The following TFRC variants were observed in gnomAD, a reference collection of about 807,000 sequenced individuals.
TFRC encodes transferrin receptor protein 1.
A neutral mutation model predicts 85.8 loss-of-function variants in TFRC; 35 were observed. The ratio of observed to expected loss-of-function variants is 0.41; its 90% CI spans 0.31 to 0.54. TFRC has a LOEUF of 0.54. Ranked by LOEUF, TFRC falls within the 20% of genes least tolerant of loss-of-function variation. TFRC has a pLI of 0.31. For missense variants in TFRC, 828 were observed against 921.5 expected (o/e 0.90, Z 1.31); for synonymous variants, 362 against 328.6 (o/e 1.10, Z -1.10).
chr3:196,065,435 G>GGGGGGGGA lies in TFRC; in HGVS notation c.1198+7_1198+8insTCCCCCCC. The GGGGGGGGA allele has an allele frequency of 1.5e-6, 1 of 655,718 alleles. No individual in the cohort carries two copies. 40.6% of individuals were successfully genotyped at this position (655,718 alleles called of 1,614,324 possible). On this transcript the variant is annotated splice_region_variant and intron_variant, in intron 10 of 18. Transcript: ENST00000360110. ...AGCGGGGCGGGGGGGGGGGGGGGCGGTCTTTACCTGGTTCTACAAAGCCTT... is the reference window on the plus strand; with the variant it reads ...AGCGGGGCGGGGGGGGGGGGGGGCGGGGGGGGGATCTTTACCTGGTTCTACAAAGCCTT...
chr3:196,065,615 C>A lies in TFRC; in HGVS notation c.1041-15G>T. ...CTTCCATATTCCTAGAATCAGAAAG[C>A]AGGCGTAAGTTCTGAGTTATTGTTC... On this transcript the variant is annotated splice_polypyrimidine_tract_variant and intron_variant, in intron 9 of 18. Coordinates refer to ENST00000360110, the MANE Select transcript of TFRC (RefSeq NM_001128148.3). 6.3e-7 allele frequency: 1 copy of A among 1,591,412 alleles called. No individual in the cohort carries two copies.
chr3:196,079,409 T>G (rs1560094277), intron 1 of TFRC, among the ~76,000 whole-genome samples: 1 of 152,118 alleles, frequency 6.6e-6, no homozygotes, highest in East Asian at 1.9e-4. Context: ...GTTGAGAGTT[T>G]GAGACTAGCC....
rs564018174 is a variant in TFRC at position 196,051,708 on chromosome 3, G to C, written c.*234C>G. Reference sequence around the variant, plus strand: ...ATTACAAAGCACTTAAAATTCTAGAGATAGGGGAATATTCCATCATGGACA... The same window carrying C: ...ATTACAAAGCACTTAAAATTCTAGACATAGGGGAATATTCCATCATGGACA... On this transcript the variant is annotated 3_prime_UTR_variant, in exon 19 of 19. Transcript: ENST00000360110. The C allele has an allele frequency of 1.6e-5, 8 of 507,940 alleles. No individual in the cohort carries two copies. Among genetic ancestry groups the C allele is most frequent in the African/African-American group, 1.5e-4 (8 of 52,054 alleles). The allele number at this position is 507,940 out of a possible 1,614,324, so 31.5% of individuals were successfully genotyped here.
At position 196,073,935 on chromosome 3, in the gene TFRC, G is replaced by A. The variant is rs377633072; in HGVS notation, c.429C>T (p.Thr143=). The A allele has an allele frequency of 5.6e-6, 9 of 1,611,530 alleles. No individual in the cohort carries two copies. In the Admixed American group the frequency reaches 6.7e-5, roughly 12 times the overall value. Residue 143 remains threonine, a synonymous_variant, in exon 4 of 19, where the codon ACC becomes ACT. Coordinates refer to ENST00000360110, the MANE Select transcript of TFRC (RefSeq NM_001128148.3). ...GCACAGCAGCTGGCACTCACTTGAT[G>A]GTGCCGGTGAAGTCTGTGCTGTCCA... ...EKLDSTDFTG[T]IKLLNENSYV...
At chr3:196,070,790 A>AATAATAATAATAATG (rs1320293723) in intron 6 of TFRC, among the ~76,000 whole-genome samples, 2 of 146,542 alleles carry the variant, frequency 1.4e-5, no homozygotes, top group Non-Finnish European at 3.0e-5. Context: ...TAATAATAAT[A>AATAATAATAATAATG]ATAATAATAA....
At position 196,052,109 on chromosome 3, in the gene TFRC, A is replaced by G. The variant is rs1716360704; in HGVS notation, c.2116T>C (p.Ser706Pro). The change falls in exon 19 of 19, where the codon TCT becomes CCT. Residue 706 changes from serine (S) to proline (P), a missense_variant. Ser to Pro is a moderately conservative substitution (Grantham distance 74). Coordinates refer to ENST00000360110, the MANE Select transcript of TFRC (RefSeq NM_001128148.3). Reference sequence around the variant, plus strand: ...TCCAGTAAAGCTGGCAGCGTGTGAGAGCCGGAGCCCCAGAAGACATGTCGG... The same window carrying G: ...TCCAGTAAAGCTGGCAGCGTGTGAGGGCCGGAGCCCCAGAAGACATGTCGG... ...PFRHVFWGSG[S>P]HTLPALLENL... 2 of 1,614,090 alleles carry G rather than the reference A, an allele frequency of 1.2e-6. No individual in the cohort carries two copies. Among genetic ancestry groups the G allele is most frequent in the East Asian group, 2.2e-5 (1 of 44,894 alleles).
chr3:196,064,675 C>T (rs1717568116), intron 10 of TFRC, among the ~76,000 whole-genome samples: 1 of 152,182 alleles, frequency 6.6e-6, no homozygotes, highest in Non-Finnish European at 1.5e-5. Context: ...AGTCCAAGGA[C>T]TTATTTCTTA....
At chr3:196,071,363 G>A in intron 6 of TFRC, 33 bp downstream of exon 6, 1 of 1,533,808 alleles carries the variant, frequency 6.5e-7, no homozygotes, top group Non-Finnish European at 9.0e-7. Context: ...ATTCAATAGG[G>A]AAGAGTCTCA....
chr3:196,065,015 T>G (rs548555959), intron 10 of TFRC, among the ~76,000 whole-genome samples: 2 of 152,046 alleles, frequency 1.3e-5, no homozygotes, highest in Non-Finnish European at 2.9e-5. Flanking sequence ...CCCAGCACTT[T>G]GGGAGGCTGA....
Position 196,077,079 on chromosome 3 carries a change from T to C in TFRC, c.21A>G (p.Ser7=). ...AATATCTTACCAAGTTAGAGAATGCTGATCTAGCTTGATCCATCATTCTGA... is the reference window on the plus strand; with the variant it reads ...AATATCTTACCAAGTTAGAGAATGCCGATCTAGCTTGATCCATCATTCTGA... MMDQAR[S]AFSNLFGGEP... The change falls in exon 2 of 19, where the codon TCA becomes TCG. Residue 7 remains serine (S), a synonymous_variant. Transcript: ENST00000360110. 6.2e-7 allele frequency: 1 copy of C among 1,613,824 alleles called. No homozygotes were observed. Among genetic ancestry groups the C allele is most frequent in the Non-Finnish European group, 8.5e-7 (1 of 1,179,828 alleles).
intron 14 of TFRC, 93 bp downstream of exon 14, chr3:196,060,087 T>A (rs1036189773): frequency 2.1e-6 from 2 of 958,956 alleles, no homozygotes; most frequent in Non-Finnish European, 3.1e-6. Flanking sequence ...CTATTTTTTG[T>A]TACTGACTAC....
At chr3:196,071,524 A>T (rs1224254893) in intron 5 of TFRC, 26 bp from the exon 6 acceptor site, 1 of 1,606,042 alleles carries the variant, frequency 6.2e-7, no homozygotes, top group African/African-American at 1.3e-5. Context: ...AGTTAAAATA[A>T]GCCTAAGGTC....
At chr3:196,060,528 G>A in intron 13 of TFRC, 1 of 320,324 alleles carries the variant, frequency 3.1e-6, no homozygotes, top group Non-Finnish European at 5.9e-6. Context: ...GCCGGGCACG[G>A]TGGCTCACGC....
chr3:196,070,806 A>ATAC (rs1311851038), intron 6 of TFRC, among the ~76,000 whole-genome samples: 2 of 146,626 alleles, frequency 1.4e-5, no homozygotes, highest in Non-Finnish European at 3.0e-5. Flanking sequence ...AATAATAATA[A>ATAC]TAAAATAAAA....
At chr3:196,072,951 AG>A (rs1036548906) in intron 4 of TFRC, 2 of 150,418 alleles carry the variant, frequency 1.3e-5, no homozygotes, top group Non-Finnish European at 2.9e-5. Flanking sequence ...CTGTAATTCC[AG>A]CACTTTGGGA....
At chr3:196,059,236 C>T (rs1717072462) in intron 14 of TFRC, among the ~76,000 whole-genome samples, 1 of 152,142 alleles carries the variant, frequency 6.6e-6, no homozygotes, top group African/African-American at 2.4e-5. Flanking sequence ...ATCGCTTGAA[C>T]CCAGGAGGTG....
intron 6 of TFRC, 87 bp from the exon 7 acceptor site, chr3:196,069,655 C>T: frequency 1.3e-6 from 1 of 762,098 alleles, no homozygotes; most frequent in Non-Finnish European, 2.1e-6. Flanking sequence ...TAGATCAAAC[C>T]TAAGACAGGC....
At chr3:196,058,691 G>T in intron 14 of TFRC, 59 bp from the exon 15 acceptor site, 1 of 1,222,480 alleles carries the variant, frequency 8.2e-7, no homozygotes, top group Non-Finnish European at 1.2e-6. Flanking sequence ...ATTCAGGCTA[G>T]TCACTAACAT....
intron 10 of TFRC, 144 bp from the exon 11 acceptor site, chr3:196,064,572 T>C: frequency 2.8e-6 from 2 of 711,854 alleles, no homozygotes; most frequent in Non-Finnish European, 4.0e-6. Context: ...CTAAAAACTC[T>C]GGGAATTAAA....
Sources: allele counts gnomAD v4.1 joint callset (sites outside exome capture counted in the v4.1 genomes callset), GRCh38; gene constraint gnomAD v4.1.1; transcripts MANE v1.5; gene names NCBI Gene and HGNC (gene_info 2026-07-23, HGNC 2026-07-21).